The following TBC1D32 variants were observed in gnomAD, a reference collection of about 807,000 sequenced individuals.
TBC1D32 encodes TBC1 domain family member 32, also known as protein broad-minded.
TBC1D32 carries 151 observed loss-of-function variants against 170.3 expected under a neutral mutation model. The observed-to-expected ratio is 0.89, with a 90% CI of 0.78 to 1.01. The LOEUF is 1.01. TBC1D32 is among the 50% of genes least tolerant of loss of function. The pLI is 0.00. For missense variants in TBC1D32, 1,464 were observed against 1,457.1 expected (o/e 1.00, Z -0.08); for synonymous variants, 498 against 488.0 (o/e 1.02, Z -0.27).
chr6:121,285,156 G>A (rs1803601504), intron 12 of TBC1D32, among the ~76,000 whole-genome samples: 1 of 152,132 alleles, frequency 6.6e-6, no homozygotes, highest in Non-Finnish European at 1.5e-5. Context: ...TTTTAAATGT[G>A]TCAGAGGTCC....
intron 22 of TBC1D32, among the ~76,000 whole-genome samples, chr6:121,195,634 T>C (rs1013409516): frequency 1.2e-4 from 18 of 152,166 alleles, no homozygotes; most frequent in Admixed American, 6.5e-5. Flanking sequence ...TCAAATGCCC[T>C]TAATTTCCAC....
chr6:121,181,302 T>G (rs867619862), intron 22 of TBC1D32, among the ~76,000 whole-genome samples: 1 of 152,074 alleles, frequency 6.6e-6, no homozygotes, highest in Non-Finnish European at 1.5e-5. Flanking sequence ...GGGAGGTGAT[T>G]GGATCATGAG....
Position 121,080,721 on chromosome 6 carries a change from CTG to C in TBC1D32, c.*48_*49del, listed in dbSNP as rs1443651544. On this transcript the variant is annotated 3_prime_UTR_variant, in exon 32 of 32. Transcript: ENST00000398212. ...CACAGAAAAACATCAAGCCCCCCTG[CTG>C]TGTTTAAAAATAAATAAAACCTAAA... 2 of 1,571,868 alleles carry C rather than the reference CTG, an allele frequency of 1.3e-6. No individual in the cohort carries two copies. The highest frequency in any genetic ancestry group is 1.7e-6 in the Non-Finnish European group (2 of 1,161,008).
At chr6:121,260,389 G>A (rs2128403565) in intron 15 of TBC1D32, among the ~76,000 whole-genome samples, 1 of 152,266 alleles carries the variant, frequency 6.6e-6, no homozygotes, top group East Asian at 1.9e-4. Flanking sequence ...AGAAGCAGCG[G>A]CCATCAGAGG....
intron 21 of TBC1D32, among the ~76,000 whole-genome samples, chr6:121,218,187 C>T (rs545739150): frequency 6.6e-6 from 1 of 152,160 alleles, no homozygotes; most frequent in East Asian, 1.9e-4. Context: ...CAAAAGAAGT[C>T]TACAAAGACA....
intron 22 of TBC1D32, among the ~76,000 whole-genome samples, chr6:121,202,565 G>C (rs548741272): frequency 6.6e-6 from 1 of 151,420 alleles, no homozygotes; most frequent in South Asian, 2.1e-4. Context: ...ACTGAGGACA[G>C]TTTGTATAGA....
chr6:121,151,448 T>A (rs1416183925), intron 24 of TBC1D32, among the ~76,000 whole-genome samples: 1 of 152,092 alleles, frequency 6.6e-6, no homozygotes. Flanking sequence ...GAATAAGTGC[T>A]ATGTGGTGCT....
chr6:121,243,773 T>G (rs944477312), intron 17 of TBC1D32, among the ~76,000 whole-genome samples: 4 of 147,322 alleles, frequency 2.7e-5, no homozygotes, highest in Non-Finnish European at 6.0e-5. Context: ...CAAAATAAAA[T>G]AGTAAAAACA....
chr6:121,096,729 A>T (rs958119130), intron 30 of TBC1D32, among the ~76,000 whole-genome samples: 6 of 152,094 alleles, frequency 3.9e-5, no homozygotes, highest in African/African-American at 1.4e-4. Context: ...AAAAGATCCC[A>T]CATTGCCAAG....
At chr6:121,222,623 AG>A (rs1044789591) in intron 21 of TBC1D32, among the ~76,000 whole-genome samples, 4 of 152,246 alleles carry the variant, frequency 2.6e-5, no homozygotes, top group African/African-American at 9.6e-5. Flanking sequence ...AAAATGAAAA[AG>A]AATGATCAAT....
At chr6:121,086,286 G>GT (rs1418455227) in intron 31 of TBC1D32, among the ~76,000 whole-genome samples, 2 of 152,114 alleles carry the variant, frequency 1.3e-5, no homozygotes, top group African/African-American at 4.8e-5. Context: ...CACACAGTGA[G>GT]TGGCAAAGTT....
intron 4 of TBC1D32, 132 bp downstream of exon 4, chr6:121,310,647 A>G (rs1372077439): frequency 1.6e-6 from 1 of 625,268 alleles, no homozygotes; most frequent in Non-Finnish European, 2.8e-6. Context: ...TACCAGGGAT[A>G]TCAGTCCAGG....
At chr6:121,101,137 CA>C (rs1234111974) in intron 30 of TBC1D32, among the ~76,000 whole-genome samples, 3 of 152,090 alleles carry the variant, frequency 2.0e-5, no homozygotes, top group African/African-American at 7.2e-5. Flanking sequence ...GATGGATTCA[CA>C]GCCGAATTCT....
intron 21 of TBC1D32, among the ~76,000 whole-genome samples, chr6:121,213,393 C>T (rs898630666): frequency 1.3e-5 from 2 of 151,594 alleles, no homozygotes; most frequent in African/African-American, 4.9e-5. Context: ...ACTAGCATTC[C>T]TATACTCCAA....
At chr6:121,261,327 C>A (rs1400356082) in intron 15 of TBC1D32, among the ~76,000 whole-genome samples, 5 of 152,182 alleles carry the variant, frequency 3.3e-5, no homozygotes, top group African/African-American at 1.2e-4. Flanking sequence ...GGGTGAGACA[C>A]CCCAAAAGGG....
chr6:121,214,073 C>A (rs369248676), intron 21 of TBC1D32, among the ~76,000 whole-genome samples: 4 of 152,140 alleles, frequency 2.6e-5, no homozygotes, highest in African/African-American at 9.7e-5. Context: ...AGATAACTGG[C>A]TAGCCATAAG....
intron 26 of TBC1D32, among the ~76,000 whole-genome samples, chr6:121,119,158 A>G (rs1013591190): frequency 6.6e-6 from 1 of 152,190 alleles, no homozygotes; most frequent in African/African-American, 2.4e-5. Context: ...TTCATTGACA[A>G]TTACCAAATT....
At chr6:121,261,297 G>A (rs1799736905) in intron 15 of TBC1D32, among the ~76,000 whole-genome samples, 1 of 152,200 alleles carries the variant, frequency 6.6e-6, no homozygotes, top group Non-Finnish European at 1.5e-5. Flanking sequence ...AGTGGGTCCT[G>A]GTTCCCATGC....
intron 31 of TBC1D32, among the ~76,000 whole-genome samples, chr6:121,082,018 A>G (rs1176882890): frequency 1.3e-5 from 2 of 152,092 alleles, no homozygotes; most frequent in African/African-American, 4.8e-5. Context: ...AGGCTAGAAC[A>G]AATACCTTCC....
Sources: gnomAD v4.1 joint callset for allele counts (sites outside exome capture counted in the v4.1 genomes callset) on GRCh38, gnomAD v4.1.1 for gene constraint, MANE v1.5 for transcripts, NCBI Gene and HGNC (gene_info 2026-07-23, HGNC 2026-07-21) for gene names.